MBD5: variants seen among roughly 807,000 people sequenced by gnomAD.
MBD5 encodes the protein methyl-CpG-binding domain protein 5.
Under a neutral mutation model 117.3 loss-of-function variants are expected in MBD5, and 13 were observed. The ratio of observed to expected loss-of-function variants is 0.11; its 90% CI spans 0.07 to 0.18. The LOEUF is 0.18. MBD5 is among the 10% of genes least tolerant of loss of function. The probability of loss-of-function intolerance (pLI) is 1.00; values close to 1 mark genes in which losing one functional copy is unlikely to be tolerated. For synonymous variants in MBD5, 727 were observed against 766.4 expected, an observed-to-expected ratio of 0.95 and a Z score of 0.85; for missense variants, 1,879 against 2,093.8, an observed-to-expected ratio of 0.90 and a Z score of 2.00.
At chr2:148,226,475 G>A (rs1379993400) in intron 2 of MBD5, among the ~76,000 whole-genome samples, 1 of 152,132 alleles carries the variant, frequency 6.6e-6, no homozygotes, top group Non-Finnish European at 1.5e-5. Context: ...GTATTCCATG[G>A]TGTATATGTG....
At chr2:148,289,302 A>ATT (rs1035728683) in intron 3 of MBD5, among the ~76,000 whole-genome samples, 2 of 152,246 alleles carry the variant, frequency 1.3e-5, no homozygotes, top group African/African-American at 4.8e-5. Context: ...TATGAAACTT[A>ATT]TAATGAGTTC....
chr2:148,310,326 G>C (rs535889247), intron 3 of MBD5, among the ~76,000 whole-genome samples: 2 of 152,256 alleles, frequency 1.3e-5, no homozygotes, highest in South Asian at 4.2e-4. Flanking sequence ...TTCAGAACTT[G>C]TTATTGCTCT....
intron 7 of MBD5, among the ~76,000 whole-genome samples, chr2:148,467,841 G>A (rs1444582447): frequency 1.3e-5 from 2 of 152,198 alleles, no homozygotes; most frequent in Admixed American, 1.3e-4. Context: ...TGTTATAAGG[G>A]TGAACATTTT....
At chr2:148,283,931 G>A (rs998944304) in intron 3 of MBD5, among the ~76,000 whole-genome samples, 2 of 152,112 alleles carry the variant, frequency 1.3e-5, no homozygotes, top group African/African-American at 4.8e-5. Flanking sequence ...TGAGTATCCT[G>A]CTTTTTACCC....
intron 3 of MBD5, among the ~76,000 whole-genome samples, chr2:148,283,883 T>C (rs1014037352): frequency 6.6e-6 from 1 of 152,192 alleles, no homozygotes; most frequent in African/African-American, 2.4e-5. Flanking sequence ...CTTGCCACAT[T>C]TGATTCAAAA....
At chr2:148,346,889 A>G (rs558964888) in intron 4 of MBD5, 1 of 152,038 alleles carries the variant, frequency 6.6e-6, no homozygotes, top group Non-Finnish European at 1.5e-5. Flanking sequence ...TATTTTAAAA[A>G]AAAACTATTA....
intron 1 of MBD5, among the ~76,000 whole-genome samples, chr2:148,142,700 A>G (rs1697347836): frequency 6.6e-6 from 1 of 152,204 alleles, no homozygotes; most frequent in African/African-American, 2.4e-5. Context: ...CAGCAAACTA[A>G]GAGCGAAACC....
intron 1 of MBD5, among the ~76,000 whole-genome samples, chr2:148,105,147 T>A (rs957787679): frequency 6.6e-6 from 1 of 152,134 alleles, no homozygotes; most frequent in African/African-American, 2.4e-5. Flanking sequence ...CATGAATTTC[T>A]TTTAATATTT....
At chr2:148,039,600 GA>G (rs1694299277) in intron 1 of MBD5, among the ~76,000 whole-genome samples, 1 of 152,068 alleles carries the variant, frequency 6.6e-6, no homozygotes, top group Non-Finnish European at 1.5e-5. Flanking sequence ...ATAAACTAAT[GA>G]AAAATTGCTT....
intron 4 of MBD5, among the ~76,000 whole-genome samples, chr2:148,445,292 C>T (rs559823636): frequency 6.6e-6 from 1 of 151,000 alleles, no homozygotes; most frequent in Admixed American, 6.6e-5. Flanking sequence ...CCCGCTCCCC[C>T]CACCCCATGA....
At chr2:148,432,634 C>G (rs1706025673) in intron 4 of MBD5, among the ~76,000 whole-genome samples, 1 of 152,070 alleles carries the variant, frequency 6.6e-6, no homozygotes, top group African/African-American at 2.4e-5. Context: ...ATTCTTTCCC[C>G]ATTTCTCGTT....
chr2:148,023,706 C>T (rs1237435457), intron 1 of MBD5, among the ~76,000 whole-genome samples: 1 of 151,814 alleles, frequency 6.6e-6, no homozygotes, highest in African/African-American at 2.4e-5. Flanking sequence ...GTGGTAGTTG[C>T]CCAGTAGGCA....
chr2:148,166,904 T>C (rs1325415336), intron 1 of MBD5, among the ~76,000 whole-genome samples: 1 of 152,170 alleles, frequency 6.6e-6, no homozygotes, highest in Non-Finnish European at 1.5e-5. Context: ...TTATGCTGGC[T>C]GAAGTGTTTT....
intron 2 of MBD5, among the ~76,000 whole-genome samples, chr2:148,228,605 A>G (rs1238303483): frequency 6.6e-6 from 1 of 152,208 alleles, no homozygotes. Flanking sequence ...CTTTGGTATC[A>G]GGATGATGCT....
At chr2:148,361,008 C>G (rs1264283365) in intron 4 of MBD5, among the ~76,000 whole-genome samples, 3 of 152,058 alleles carry the variant, frequency 2.0e-5, no homozygotes. Flanking sequence ...CTCCGCTCCC[C>G]TCCTCTCCTT....
At chr2:148,442,811 G>T (rs945539744) in intron 4 of MBD5, among the ~76,000 whole-genome samples, 9 of 151,164 alleles carry the variant, frequency 6.0e-5, no homozygotes, top group African/African-American at 1.5e-4. Flanking sequence ...AGAAAACATT[G>T]GCAAAACTCT....
chr2:148,089,528 A>G (rs1695882569), intron 1 of MBD5, among the ~76,000 whole-genome samples: 1 of 152,172 alleles, frequency 6.6e-6, no homozygotes, highest in South Asian at 2.1e-4. Flanking sequence ...ATTGGAAATT[A>G]ACTCCAAAAG....
At chr2:148,043,560 A>G (rs1694436126) in intron 1 of MBD5, among the ~76,000 whole-genome samples, 1 of 152,166 alleles carries the variant, frequency 6.6e-6, no homozygotes, top group African/African-American at 2.4e-5. Flanking sequence ...TTCTCTTTCC[A>G]TCACTAAAGT....
intron 3 of MBD5, among the ~76,000 whole-genome samples, chr2:148,236,191 G>T (rs527713205): frequency 1.3e-5 from 2 of 152,034 alleles, no homozygotes; most frequent in Admixed American, 6.6e-5. Flanking sequence ...GATGGCTGTG[G>T]CGATATATTG....
Sources: gnomAD v4.1 joint callset for allele counts (sites outside exome capture counted in the v4.1 genomes callset) on GRCh38, gnomAD v4.1.1 for gene constraint, MANE v1.5 for transcripts, NCBI Gene and HGNC (gene_info 2026-07-23, HGNC 2026-07-21) for gene names.